The following GALNT17 variants were observed in gnomAD, a reference collection of about 807,000 sequenced individuals.
The protein encoded by GALNT17 is polypeptide N-acetylgalactosaminyltransferase 17.
Under a neutral mutation model 63.7 loss-of-function variants are expected in GALNT17, and 29 were observed. The ratio of observed to expected loss-of-function variants is 0.46; its 90% CI spans 0.34 to 0.62. The LOEUF (loss-of-function observed/expected upper bound fraction) is 0.62. Ranked by LOEUF, GALNT17 falls within the 20% of genes least tolerant of loss-of-function variation. The pLI is 0.01. For missense variants in GALNT17, 603 were observed against 799.6 expected (o/e 0.75, Z 2.97); for synonymous variants, 305 against 318.3 (o/e 0.96, Z 0.45).
At chr7:71,165,417 C>G (rs1198846333) in intron 1 of GALNT17, among the ~76,000 whole-genome samples, 1 of 152,156 alleles carries the variant, frequency 6.6e-6, no homozygotes, top group Non-Finnish European at 1.5e-5. Flanking sequence ...CTAGGGAGGC[C>G]TCACAAACAT....
intron 9 of GALNT17, among the ~76,000 whole-genome samples, chr7:71,698,123 CAAAAAAAA>C (rs10708106): frequency 1.1e-4 from 12 of 107,762 alleles, no homozygotes; most frequent in Non-Finnish European, 1.9e-4. Flanking sequence ...GACTCTGTCT[CAAAAAAAA>C]AAAAAAAAAA....
intron 2 of GALNT17, among the ~76,000 whole-genome samples, chr7:71,351,115 T>A (rs1348704788): frequency 6.6e-6 from 1 of 151,870 alleles, no homozygotes; most frequent in Non-Finnish European, 1.5e-5. Flanking sequence ...CACTCAAGCC[T>A]GGGTGACAAG....
At position 71,377,329 on chromosome 7, in the gene GALNT17, G is replaced by A. The variant is rs181215145; in HGVS notation, c.423-10906G>A. Among the ~76,000 whole-genome samples the A allele has an allele frequency of 4.3e-3, 146 of 33,938 alleles. 1 individual carries two copies. The highest frequency in any genetic ancestry group is 0.03 in the African/African-American group (141 of 4,638). The allele number at this position is 33,938 out of a possible 152,430, so 22.3% of individuals were successfully genotyped here. ...AAAAATACATATTTCCCAGGTAGCC[G>A]TGGAGCCAGTAGGTGAATATTCGGA... On this transcript the variant is annotated intron_variant, in intron 2 of 10. Transcript: ENST00000333538.
intron 1 of GALNT17, among the ~76,000 whole-genome samples, chr7:71,324,276 A>G (rs1791666813): frequency 2.6e-5 from 4 of 152,182 alleles, no homozygotes; most frequent in Non-Finnish European, 5.9e-5. Context: ...CAATAACTCA[A>G]GTAAGCGGTG....
intron 1 of GALNT17, among the ~76,000 whole-genome samples, chr7:71,137,013 T>A (rs1787795635): frequency 6.8e-6 from 1 of 146,926 alleles, no homozygotes; most frequent in Admixed American, 6.9e-5. Context: ...TTTCAAGTGA[T>A]CCCCACCCCC....
chr7:71,174,080 A>G (rs918039746), intron 1 of GALNT17, among the ~76,000 whole-genome samples: 2 of 152,164 alleles, frequency 1.3e-5, no homozygotes, highest in South Asian at 2.1e-4. Context: ...AGTGCCAGGC[A>G]TGGAGTTGAC....
intron 8 of GALNT17, among the ~76,000 whole-genome samples, chr7:71,672,027 CAAAA>C (rs55777129): frequency 0.66 from 69,409 of 104,460 alleles, 21,427 homozygotes; most frequent in Non-Finnish European, 0.75. Flanking sequence ...GACTCTGTCT[CAAAA>C]AAAAAAAAAA....
chr7:71,265,580 GTGTGACTGATTAGCAGAGA>G (rs1220153173), intron 1 of GALNT17, among the ~76,000 whole-genome samples: 4 of 152,194 alleles, frequency 2.6e-5, no homozygotes, highest in Non-Finnish European at 4.4e-5. Flanking sequence ...CAGAGCTACT[GTGTGACTGATTAGCAGAGA>G]TTTTCTTGGC....
chr7:71,150,108 A>G lies in GALNT17; in HGVS notation c.238+17068A>G, dbSNP rs565490548. Among the ~76,000 whole-genome samples the G allele has an allele frequency of 3.9e-5, 6 of 152,088 alleles. No individual in the cohort carries two copies. The East Asian group carries it at 1.2e-3, about 29-fold the overall frequency. Reference sequence around the variant, plus strand: ...AAGGTAACTCCTTTGATTCCAGGGCACCCTTCTCATTCCTGTTCACCATCC... The same window carrying G: ...AAGGTAACTCCTTTGATTCCAGGGCGCCCTTCTCATTCCTGTTCACCATCC... On this transcript the variant is annotated intron_variant, in intron 1 of 10. Transcript: ENST00000333538.
Position 71,604,417 on chromosome 7 carries a change from A to G in GALNT17, c.1080+33015A>G, listed in dbSNP as rs1475022695. ...TAAGTGCGTACACCAGTACTATGCT[A>G]AGTGCATGCACTAGGTGCTGTGCAT... is the stretch of plus-strand genomic sequence containing the variant. On this transcript the variant is annotated intron_variant, in intron 6 of 10. Transcript: ENST00000333538. 2.0e-5 allele frequency among the ~76,000 whole-genome samples: 3 copies of G among 152,304 alleles called. No individual in the cohort carries two copies. The East Asian group carries it at 5.8e-4, about 29-fold the overall frequency.
chr7:71,212,629 T>C (rs1193530335), intron 1 of GALNT17, among the ~76,000 whole-genome samples: 1 of 152,108 alleles, frequency 6.6e-6, no homozygotes, highest in East Asian at 1.9e-4. Context: ...GAGGGGGGGC[T>C]ATACCCTACA....
intron 6 of GALNT17, among the ~76,000 whole-genome samples, chr7:71,588,513 C>T (rs1267040196): frequency 6.6e-6 from 1 of 152,100 alleles, no homozygotes; most frequent in African/African-American, 2.4e-5. Context: ...CAATTAAGTT[C>T]ACTTTTGTTT....
At chr7:71,342,705 T>TG (rs745593199) in intron 2 of GALNT17, among the ~76,000 whole-genome samples, 2 of 152,090 alleles carry the variant, frequency 1.3e-5, no homozygotes, top group East Asian at 1.9e-4. Context: ...GTATGTGAGG[T>TG]GGGGGTTTGT....
intron 1 of GALNT17, among the ~76,000 whole-genome samples, chr7:71,237,824 C>G (rs2116460456): frequency 6.6e-6 from 1 of 152,326 alleles, no homozygotes; most frequent in Non-Finnish European, 1.5e-5. Flanking sequence ...CATCACCCCA[C>G]TGCCTCTTAA....
Position 71,133,019 on chromosome 7 carries a change from A to C in GALNT17, c.217A>C (p.Ile73Leu), listed in dbSNP as rs1423740745. 1.9e-6 allele frequency: 3 copies of C among 1,586,610 alleles called. No individual in the cohort carries two copies. Among genetic ancestry groups the C allele is most frequent in the Admixed American group, 3.4e-5 (2 of 58,104 alleles). ...GAAGCGCCTGTCGCTGCTGGAGGAC[A>C]TCGTGTACCGGCAGCTGAATGGTAA... ...VLKRLSLLED[I>L]VYRQLNGLSK... is the part of the protein sequence containing the mutation. The change falls in exon 1 of 11, where the codon ATC becomes CTC. Residue 73 changes from isoleucine (I) to leucine (L), a missense_variant. Ile to Leu is a conservative substitution (Grantham distance 5). Coordinates refer to ENST00000333538, the MANE Select transcript of GALNT17 (RefSeq NM_022479.3).
At chr7:71,634,540 G>A (rs561278153) in intron 6 of GALNT17, among the ~76,000 whole-genome samples, 22 of 151,992 alleles carry the variant, frequency 1.4e-4, no homozygotes, top group African/African-American at 5.1e-4. Flanking sequence ...GATCACCTGA[G>A]GTCAGGACCT....
At chr7:71,626,375 C>A (rs747695357) in intron 6 of GALNT17, among the ~76,000 whole-genome samples, 12 of 152,156 alleles carry the variant, frequency 7.9e-5, no homozygotes, top group Non-Finnish European at 1.6e-4. Context: ...TTGATCTCAG[C>A]CTGCTCGCCT....
At chr7:71,259,258 A>C (rs553062609) in intron 1 of GALNT17, among the ~76,000 whole-genome samples, 8 of 152,342 alleles carry the variant, frequency 5.3e-5, no homozygotes, top group Middle Eastern at 3.4e-3. Context: ...GAGTTGGAAA[A>C]GAAGGAGCAA....
At chr7:71,642,848 A>T (rs1291233810) in intron 6 of GALNT17, among the ~76,000 whole-genome samples, 2 of 151,724 alleles carry the variant, frequency 1.3e-5, no homozygotes, top group Non-Finnish European at 2.9e-5. Context: ...AAAAAAAATG[A>T]ACCTCTTCTA....
Sources: allele counts gnomAD v4.1 joint callset (sites outside exome capture counted in the v4.1 genomes callset), GRCh38; gene constraint gnomAD v4.1.1; transcripts MANE v1.5; gene names NCBI Gene and HGNC (gene_info 2026-07-23, HGNC 2026-07-21).